PPM1A: variants seen among roughly 807,000 people sequenced by gnomAD.
PPM1A encodes the protein protein phosphatase, Mg2+/Mn2+ dependent 1A, also known as protein phosphatase 1A.
A neutral mutation model predicts 35.0 loss-of-function variants in PPM1A; 7 were observed. The ratio of observed to expected loss-of-function variants is 0.20; its 90% CI spans 0.11 to 0.38. The LOEUF (loss-of-function observed/expected upper bound fraction) is 0.38, where lower values mean the gene tolerates loss of function less well. PPM1A is among the 10% of genes least tolerant of loss of function. The pLI, the probability that PPM1A is intolerant of heterozygous loss-of-function variation, is 1.00. For synonymous variants in PPM1A, 153 were observed against 167.3 expected, an observed-to-expected ratio of 0.91 and a Z score of 0.66; for missense variants, 239 against 467.8, an observed-to-expected ratio of 0.51 and a Z score of 4.51.
chr14:60,272,525 G>C (rs1272708183), intron 1 of PPM1A, among the ~76,000 whole-genome samples: 7 of 152,080 alleles, frequency 4.6e-5, no homozygotes, highest in Middle Eastern at 3.4e-3. Context: ...TAGCCAACAT[G>C]ATGAATCCCC....
In PPM1A at chr14:60,260,776, G is replaced by T. The variant is rs149410907; in HGVS notation, c.-21+11099G>T. 2.0e-3 allele frequency among the ~76,000 whole-genome samples: 298 copies of T among 152,194 alleles called. 1 individual carries two copies. The highest frequency in any genetic ancestry group is 6.7e-3 in the African/African-American group (277 of 41,526). On this transcript the variant is annotated intron_variant, in intron 1 of 5. Transcript: ENST00000395076. ...AGGTATTTTATATAAATGGAATACA[G>T]GTAACTTTTTATTAGTGATTTTTCA... is the stretch of plus-strand genomic sequence containing the variant.
chr14:60,272,834 A>C (rs1266013701), intron 1 of PPM1A, among the ~76,000 whole-genome samples: 1 of 151,962 alleles, frequency 6.6e-6, no homozygotes, highest in Admixed American at 6.5e-5. Context: ...TTTATTCTCT[A>C]ATATCTTTTG....
At position 60,269,409 on chromosome 14, in the gene PPM1A, C is replaced by T. The variant is rs559268747; in HGVS notation, c.-20-13275C>T. 9.2e-5 allele frequency among the ~76,000 whole-genome samples: 14 copies of T among 152,222 alleles called. No homozygotes were observed. The South Asian group carries it at 2.7e-3, about 29-fold the overall frequency. On this transcript the variant is annotated intron_variant, in intron 1 of 5. Coordinates refer to ENST00000395076, the MANE Select transcript of PPM1A (RefSeq NM_021003.5). Reference sequence around the variant, plus strand: ...TATTGCGTTTACATATAAATGACAACCTTGCTGGTCGTAGTATTCTTGGAA... The same window carrying T: ...TATTGCGTTTACATATAAATGACAATCTTGCTGGTCGTAGTATTCTTGGAA...
intron 3 of PPM1A, chr14:60,287,013 A>T (rs1887090253): frequency 2.2e-6 from 2 of 917,288 alleles, no homozygotes; most frequent in South Asian, 5.0e-5. Context: ...GATTCATGGG[A>T]AAATTTAAAT....
chr14:60,274,547 T>G (rs1052800605), intron 1 of PPM1A, among the ~76,000 whole-genome samples: 2 of 151,420 alleles, frequency 1.3e-5, no homozygotes, highest in African/African-American at 4.9e-5. Flanking sequence ...AAACTGTCAT[T>G]TAAGACTCCT....
chr14:60,252,517 T>C (rs1324107275), intron 1 of PPM1A, among the ~76,000 whole-genome samples: 2 of 152,200 alleles, frequency 1.3e-5, no homozygotes, highest in Non-Finnish European at 2.9e-5. Flanking sequence ...GTGAAATATA[T>C]AAACCTTGGA....
intron 4 of PPM1A, among the ~76,000 whole-genome samples, chr14:60,290,753 C>G (rs1048735024): frequency 1.3e-5 from 2 of 151,940 alleles, no homozygotes; most frequent in African/African-American, 4.8e-5. Context: ...TGTAAAAGCT[C>G]CTGTTTGAAG....
chr14:60,258,686 G>C (rs1411722069), intron 1 of PPM1A, among the ~76,000 whole-genome samples: 1 of 151,882 alleles, frequency 6.6e-6, no homozygotes, highest in Non-Finnish European at 1.5e-5. Context: ...AAAATGGTAG[G>C]ATACAGTTTG....
rs148932353 is a variant in PPM1A, at chr14:60,254,335, G to T, written c.-21+4658G>T. Among the ~76,000 whole-genome samples, 91 of 152,302 alleles carry T rather than the reference G, an allele frequency of 6.0e-4. 2 individuals carry two copies. In the East Asian group the frequency reaches 0.017, roughly 29 times the overall value. On this transcript the variant is annotated intron_variant, in intron 1 of 5. Coordinates refer to ENST00000395076, the MANE Select transcript of PPM1A (RefSeq NM_021003.5). ...TTATTTGGCTCTGCAAAGCTGGCAAGATGTCAAGGGTTTGGAGTTAATGAT... is the reference window on the plus strand; with the variant it reads ...TTATTTGGCTCTGCAAAGCTGGCAATATGTCAAGGGTTTGGAGTTAATGAT...
intron 1 of PPM1A, among the ~76,000 whole-genome samples, chr14:60,279,862 G>T (rs1430683544): frequency 6.6e-6 from 1 of 151,984 alleles, no homozygotes; most frequent in East Asian, 1.9e-4. Context: ...TGCCTCCTCT[G>T]GCAGAAAAAA....
rs200608039 is a variant in PPM1A at position 60,255,159 on chromosome 14, G to T, written c.-21+5482G>T. Among the ~76,000 whole-genome samples, 213 of 100,798 alleles carry T rather than the reference G, an allele frequency of 2.1e-3. 1 individual carries two copies. Among genetic ancestry groups the T allele is most frequent in the African/African-American group, 0.016 (200 of 12,438 alleles). 66.1% of individuals were successfully genotyped at this position (100,798 alleles called of 152,430 possible). On this transcript the variant is annotated intron_variant, in intron 1 of 5. Coordinates refer to ENST00000395076, the MANE Select transcript of PPM1A (RefSeq NM_021003.5). ...TGTCTGTGTATTATTTCTATCATAT[G>T]TTTTTTTTTTTTTTGTTTTGTTTTG...
At chr14:60,256,341 G>A (rs563128637) in intron 1 of PPM1A, among the ~76,000 whole-genome samples, 3 of 152,326 alleles carry the variant, frequency 2.0e-5, no homozygotes, top group African/African-American at 4.8e-5. Context: ...GGCTGAGCAG[G>A]GGAATTGCTT....
chr14:60,279,645 A>T (rs116204366), intron 1 of PPM1A, among the ~76,000 whole-genome samples: 13 of 152,024 alleles, frequency 8.6e-5, no homozygotes, highest in African/African-American at 9.7e-5. Flanking sequence ...TTAAACTCCT[A>T]TCGGCACTCT....
chr14:60,290,449 A>G lies in PPM1A; in HGVS notation c.1061+535A>G, dbSNP rs528331851. 1.6e-4 allele frequency among the ~76,000 whole-genome samples: 24 copies of G among 152,298 alleles called. 1 individual carries two copies. The highest frequency in any genetic ancestry group is 5.8e-4 in the African/African-American group (24 of 41,566). ...CTTTTCCCTTTCCACTTTAGTTCAT[A>G]GAATTGGACTACTTTGTGTTAAATA... On this transcript the variant is annotated intron_variant, in intron 4 of 5. Coordinates refer to ENST00000395076, the MANE Select transcript of PPM1A (RefSeq NM_021003.5).
rs560240407 is a variant in PPM1A, at chr14:60,284,661, G to C, written c.835-963G>C. On this transcript the variant is annotated intron_variant, in intron 2 of 5. Transcript: ENST00000395076. ...CGTCTCAAAAAAAAAAAAAAAGACT[G>C]TTGAGGAATTAATGAGCGTATGTAT... Among the ~76,000 whole-genome samples the C allele has an allele frequency of 4.2e-3, 610 of 146,652 alleles. 7 individuals carry two copies. Among genetic ancestry groups the C allele is most frequent in the African/African-American group, 0.014 (552 of 38,982 alleles).
At chr14:60,291,257 C>G (rs1302302162) in intron 4 of PPM1A, 140 bp from the exon 5 acceptor site, 3 of 533,280 alleles carry the variant, frequency 5.6e-6, no homozygotes, top group Non-Finnish European at 9.4e-6. Context: ...GTGAGGCTCA[C>G]TATTGACAGC....
At chr14:60,279,669 T>C (rs547927669) in intron 1 of PPM1A, among the ~76,000 whole-genome samples, 3 of 152,312 alleles carry the variant, frequency 2.0e-5, no homozygotes, top group African/African-American at 7.2e-5. Context: ...GGAGTTCCTG[T>C]TTCTCCACAT....
chr14:60,259,460 C>G (rs753701500), intron 1 of PPM1A, among the ~76,000 whole-genome samples: 14 of 152,002 alleles, frequency 9.2e-5, no homozygotes, highest in Non-Finnish European at 1.6e-4. Flanking sequence ...TGGATTGGAT[C>G]AGGAAGTCAG....
rs866464542 is a variant in PPM1A at position 60,294,680 on chromosome 14, A to G, written c.*2198A>G. On this transcript the variant is annotated 3_prime_UTR_variant, in exon 6 of 6. Coordinates refer to ENST00000395076, the MANE Select transcript of PPM1A (RefSeq NM_021003.5). ...GTCACAAGTAGAGTATGTGATGGAA[A>G]GCTGTATTTCAAACCATAACAGCAT... 1.4e-4 allele frequency: 21 copies of G among 151,858 alleles called. No individual in the cohort carries two copies. Among genetic ancestry groups the G allele is most frequent in the Admixed American group, 7.9e-4 (12 of 15,212 alleles). The allele number at this position is 151,858 out of a possible 1,614,324, so 9.4% of individuals were successfully genotyped here.
Sources: gnomAD v4.1 joint callset for allele counts (sites outside exome capture counted in the v4.1 genomes callset) on GRCh38, gnomAD v4.1.1 for gene constraint, MANE v1.5 for transcripts, NCBI Gene and HGNC (gene_info 2026-07-23, HGNC 2026-07-21) for gene names.